Variants in BCAR3 observed in about 807,000 individuals in gnomAD.
The protein encoded by BCAR3 is breast cancer anti-estrogen resistance protein 3.
BCAR3 carries 37 observed loss-of-function variants against 80.1 expected under a neutral mutation model. That is an observed-to-expected ratio of 0.46 (90% CI 0.36 to 0.61). The LOEUF (loss-of-function observed/expected upper bound fraction) is 0.61, where lower values mean the gene tolerates loss of function less well. Among genes scored for constraint, BCAR3 ranks in the 20% least tolerant of loss-of-function variants. The probability of loss-of-function intolerance (pLI) is 0.00; values close to 1 mark genes in which losing one functional copy is unlikely to be tolerated. For missense variants in BCAR3, 978 were observed against 1,068.2 expected (o/e 0.92, Z 1.18); for synonymous variants, 389 against 418.9 (o/e 0.93, Z 0.87).
At chr1:93,623,902 C>T (rs139582582) in intron 3 of BCAR3, among the ~76,000 whole-genome samples, 2 of 152,298 alleles carry the variant, frequency 1.3e-5, no homozygotes, top group East Asian at 3.9e-4. Flanking sequence ...GCATATTATA[C>T]ACCCATTAAT....
intron 3 of BCAR3, among the ~76,000 whole-genome samples, chr1:93,638,627 G>A (rs1009549530): frequency 2.6e-5 from 4 of 152,172 alleles, no homozygotes; most frequent in African/African-American, 7.2e-5. Flanking sequence ...TAGGTACGCA[G>A]AGGAAAATTC....
At chr1:93,653,281 T>A (rs1299532983) in intron 2 of BCAR3, among the ~76,000 whole-genome samples, 1 of 152,246 alleles carries the variant, frequency 6.6e-6, no homozygotes, top group Non-Finnish European at 1.5e-5. Context: ...CAATATTTCA[T>A]GCAATGGAGG....
At chr1:93,762,764 C>T (rs1651996661) in intron 2 of BCAR3, among the ~76,000 whole-genome samples, 1 of 152,144 alleles carries the variant, frequency 6.6e-6, no homozygotes, top group Non-Finnish European at 1.5e-5. Context: ...CCAGCCTGAT[C>T]CCAACCTCTT....
rs551466832 is a variant in BCAR3, at chr1:93,766,933, T to C, written c.-62-60791A>G. The stretch of plus-strand genomic sequence containing the variant: ...AACAAAGGCTATGTTGTAGAGACTG[T>C]CAGAAACAGAAAAAGTTTAGGACAG... On this transcript the variant is annotated intron_variant, in intron 2 of 13. Transcript: ENST00000370244. Among the ~76,000 whole-genome samples, 5 of 152,248 alleles carry C rather than the reference T, an allele frequency of 3.3e-5. No individual in the cohort carries two copies. The South Asian group carries it at 6.2e-4, about 19-fold the overall frequency.
chr1:93,840,977 C>T (rs1654940878), intron 2 of BCAR3, among the ~76,000 whole-genome samples: 1 of 152,120 alleles, frequency 6.6e-6, no homozygotes, highest in Admixed American at 6.5e-5. Flanking sequence ...CCACTTTCCT[C>T]CCACTCCCCC....
Position 93,749,664 on chromosome 1 carries a change from T to C in BCAR3, c.-62-43522A>G, listed in dbSNP as rs961672088. Among the ~76,000 whole-genome samples, 6 of 152,104 alleles carry C rather than the reference T, an allele frequency of 3.9e-5. No individual in the cohort carries two copies. In the East Asian group the frequency reaches 9.7e-4, roughly 24 times the overall value. On this transcript the variant is annotated intron_variant, in intron 2 of 13. Coordinates refer to the BCAR3 transcript ENST00000370244. ...ACAAAACTGAAACTAGGAAGTAAAT[T>C]TGCACAGGCGCCTTTACTAGGAAAT...
Position 93,567,463 on chromosome 1 carries a change from T to C in BCAR3, c.2115A>G (p.Val705=), listed in dbSNP as rs747327557. 2 of 1,614,258 alleles carry C rather than the reference T, an allele frequency of 1.2e-6. No individual in the cohort carries two copies. Among genetic ancestry groups the C allele is most frequent in the Admixed American group, 3.3e-5 (2 of 60,034 alleles). Residue 705 remains valine (V), a synonymous_variant, in exon 11 of 12, where the codon GTA becomes GTG. Coordinates refer to ENST00000260502, the MANE Select transcript of BCAR3 (RefSeq NM_003567.4). ...CAAGCGGCATCAGCAGTGGGACTGATACATTGTTTGGGGGAACACATGTGG... is the reference window on the plus strand; with the variant it reads ...CAAGCGGCATCAGCAGTGGGACTGACACATTGTTTGGGGGAACACATGTGG... The part of the protein sequence containing the change: ...RESTCVPPNN[V]SVPLLMPLVT...
At chr1:93,800,921 T>A (rs551284244) in intron 2 of BCAR3, among the ~76,000 whole-genome samples, 26 of 152,294 alleles carry the variant, frequency 1.7e-4, no homozygotes, top group African/African-American at 6.3e-4. Context: ...TTGAACTGTT[T>A]GATTACGCTG....
chr1:93,760,104 G>A (rs1651882408), intron 2 of BCAR3, among the ~76,000 whole-genome samples: 1 of 151,978 alleles, frequency 6.6e-6, no homozygotes, highest in African/African-American at 2.4e-5. Flanking sequence ...TCCAGGCAGA[G>A]ACCCAGCAAG....
At chr1:93,822,827 A>G (rs887918743) in intron 2 of BCAR3, among the ~76,000 whole-genome samples, 2 of 79,192 alleles carry the variant, frequency 2.5e-5, no homozygotes, top group African/African-American at 6.4e-5. Context: ...CCATCAACTC[A>G]TCACCACTCA....
At chr1:93,692,146 T>C (rs1244107276) in intron 3 of BCAR3, among the ~76,000 whole-genome samples, 1 of 152,194 alleles carries the variant, frequency 6.6e-6, no homozygotes, top group Non-Finnish European at 1.5e-5. Flanking sequence ...AATGAAGTGC[T>C]CGCCGCACAG....
At chr1:93,692,714 C>T (rs1649239101) in intron 3 of BCAR3, among the ~76,000 whole-genome samples, 1 of 152,232 alleles carries the variant, frequency 6.6e-6, no homozygotes, top group African/African-American at 2.4e-5. Context: ...CTTCATCTCC[C>T]AGTGTGAACC....
rs1423974830 is a variant in BCAR3 at position 93,790,636 on chromosome 1, T to TCTTTA, written c.-63+54930_-63+54931insTAAAG. On this transcript the variant is annotated intron_variant, in intron 2 of 13. Coordinates refer to the BCAR3 transcript ENST00000370244. ...AGTCTTTTTTTTTTTTTGTATTCATTTTTTTTTTTTCTTAATTTTTTTTTT... is the reference window on the plus strand; with the variant it reads ...AGTCTTTTTTTTTTTTTGTATTCATTCTTTATTTTTTTTTTCTTAATTTTTTTTTT... Among the ~76,000 whole-genome samples the TCTTTA allele has an allele frequency of 5.3e-5, 3 of 56,646 alleles. No individual in the cohort carries two copies. The Admixed American group carries it at 5.7e-4, about 11-fold the overall frequency. The allele number at this position is 56,646 out of a possible 152,430, so 37.2% of individuals were successfully genotyped here.
intron 2 of BCAR3, among the ~76,000 whole-genome samples, chr1:93,796,940 T>C (rs75705086): frequency 1.5e-3 from 234 of 152,334 alleles, no homozygotes; most frequent in African/African-American, 5.3e-3. Context: ...CAATTTCCAC[T>C]AGCTATACTG....
At chr1:93,584,162 G>A (rs375035112) in intron 5 of BCAR3, 41 bp from the exon 6 acceptor site, 71 of 1,568,612 alleles carry the variant, frequency 4.5e-5, no homozygotes, top group Admixed American at 7.3e-5. Context: ...TGTTACTAAC[G>A]TGTAAAATAA....
chr1:93,663,600 T>C (rs1248527018), intron 2 of BCAR3, among the ~76,000 whole-genome samples: 1 of 152,186 alleles, frequency 6.6e-6, no homozygotes, highest in Non-Finnish European at 1.5e-5. Flanking sequence ...GCAAAGAAGA[T>C]GGAGAACAGG....
At chr1:93,617,819 C>T (rs367853718) in intron 3 of BCAR3, among the ~76,000 whole-genome samples, 9 of 152,312 alleles carry the variant, frequency 5.9e-5, no homozygotes, top group African/African-American at 1.7e-4. Flanking sequence ...CCTGGCGTCA[C>T]GGTGAGGACA....
chr1:93,620,563 C>T (rs990257782), intron 3 of BCAR3, among the ~76,000 whole-genome samples: 6 of 152,094 alleles, frequency 3.9e-5, no homozygotes, highest in African/African-American at 1.4e-4. Flanking sequence ...CCTCCTTTCC[C>T]ATTGCCTTGG....
chr1:93,787,959 G>A (rs1653009764), intron 2 of BCAR3, among the ~76,000 whole-genome samples: 1 of 152,114 alleles, frequency 6.6e-6, no homozygotes, highest in African/African-American at 2.4e-5. Context: ...CATTTCTTAG[G>A]TCTAGTAGTA....
Sources: allele counts gnomAD v4.1 joint callset (sites outside exome capture counted in the v4.1 genomes callset), GRCh38; gene constraint gnomAD v4.1.1; transcripts MANE v1.5; gene names NCBI Gene and HGNC (gene_info 2026-07-23, HGNC 2026-07-21).